CUX2: variants seen among roughly 807,000 people sequenced by gnomAD.
CUX2 encodes cut like homeobox 2.
Under a neutral mutation model 144.8 loss-of-function variants are expected in CUX2, and 40 were observed. That is an observed-to-expected ratio of 0.28 (90% CI 0.21 to 0.36). The LOEUF is 0.36. Among genes scored for constraint, CUX2 ranks in the 10% least tolerant of loss-of-function variants. The pLI, the probability that CUX2 is intolerant of heterozygous loss-of-function variation, is 1.00. For missense variants in CUX2, 1,615 were observed against 1,994.0 expected (o/e 0.81, Z 3.62); for synonymous variants, 827 against 875.6 (o/e 0.94, Z 0.98).
At chr12:111,321,433 T>C (rs7136685) in intron 17 of CUX2, among the ~76,000 whole-genome samples, 62,979 of 151,506 alleles carry the variant, frequency 0.42, 18,422 homozygotes, top group East Asian at 0.94. Flanking sequence ...CTCGCTACTG[T>C]GCTCCAGCCT....
chr12:111,253,375 G>A (rs1035031652), intron 3 of CUX2, among the ~76,000 whole-genome samples: 3 of 149,692 alleles, frequency 2.0e-5, no homozygotes, highest in African/African-American at 7.4e-5. Context: ...CCTCTCTGCT[G>A]GCATTCAAAC....
chr12:111,347,796 C>G lies in CUX2; in HGVS notation c.3932C>G (p.Ala1311Gly), dbSNP rs766010946. 2.5e-6 allele frequency: 4 copies of G among 1,613,800 alleles called. No homozygotes were observed. In the African/African-American group the frequency reaches 5.3e-5, roughly 22 times the overall value. Residue 1311 changes from alanine (A) to glycine (G), a missense_variant, in exon 22 of 22, where the codon GCA becomes GGA. This residue lies in a region of CUX2 where 298 missense variants were observed against 330.4 expected (regional missense o/e 0.90). Coordinates refer to ENST00000261726, the MANE Select transcript of CUX2 (RefSeq NM_015267.4). ...EQMEEDAEEEAGSQPQDSGEL... is the reference protein window; with the variant it reads ...EQMEEDAEEEGGSQPQDSGEL... ...ATGGAGGAGGATGCTGAGGAAGAGG[C>G]AGGCAGCCAGCCCCAGGACTCAGGG...
chr12:111,089,428 T>TA (rs1872431299), intron 1 of CUX2, among the ~76,000 whole-genome samples: 1 of 152,184 alleles, frequency 6.6e-6, no homozygotes, highest in African/African-American at 2.4e-5. Flanking sequence ...AGCCTGTAAT[T>TA]TGGAACCCTG....
rs1387609750 is a variant in CUX2 at position 111,217,911 on chromosome 12, C to T, written c.196C>T (p.Pro66Ser). 1 of 1,614,024 alleles carries T rather than the reference C, an allele frequency of 6.2e-7. No individual in the cohort carries two copies. The highest frequency in any genetic ancestry group is 1.3e-5 in the African/African-American group (1 of 75,024). Residue 66 changes from proline (P) to serine (S), a missense_variant, in exon 3 of 22, where the codon CCT becomes TCT. Pro to Ser is a moderately conservative substitution (Grantham distance 74). Coordinates refer to ENST00000261726, the MANE Select transcript of CUX2 (RefSeq NM_015267.4). Reference sequence around the variant, plus strand: ...TCAGGAAATCAGAGAGATGGTGGCTCCTGTATTAAAAAGCTTCCAAGCCGA... The same window carrying T: ...TCAGGAAATCAGAGAGATGGTGGCTTCTGTATTAAAAAGCTTCCAAGCCGA... Reference protein sequence around the residue: ...VPEEIREMVAPVLKSFQAEVV... With the variant: ...VPEEIREMVASVLKSFQAEVV...
intron 16 of CUX2, among the ~76,000 whole-genome samples, chr12:111,315,593 C>T (rs929334075): frequency 6.6e-6 from 1 of 152,154 alleles, no homozygotes; most frequent in Non-Finnish European, 1.5e-5. Flanking sequence ...GTAGTAGGAA[C>T]CTGTAATCCC....
At chr12:111,205,844 G>T (rs1592838259) in intron 1 of CUX2, among the ~76,000 whole-genome samples, 1 of 152,308 alleles carries the variant, frequency 6.6e-6, no homozygotes, top group African/African-American at 2.4e-5. Flanking sequence ...GCTCTTTAGG[G>T]GTCTCTGGCC....
intron 1 of CUX2, among the ~76,000 whole-genome samples, chr12:111,211,886 CAAA>C (rs1169597609): frequency 3.5e-5 from 3 of 84,624 alleles, no homozygotes; most frequent in Non-Finnish European, 5.2e-5. Flanking sequence ...GACTCCGTCT[CAAA>C]AAAAAAAAAA....
intron 1 of CUX2, among the ~76,000 whole-genome samples, chr12:111,193,787 G>A (rs531976353): frequency 2.6e-5 from 4 of 152,048 alleles, no homozygotes; most frequent in Non-Finnish European, 4.4e-5. Flanking sequence ...TGTCAAGGTC[G>A]GGGGAAGCCG....
At chr12:111,153,836 C>T (rs1877213400) in intron 1 of CUX2, among the ~76,000 whole-genome samples, 1 of 152,164 alleles carries the variant, frequency 6.6e-6, no homozygotes, top group Non-Finnish European at 1.5e-5. Flanking sequence ...GCTTACACAA[C>T]AAGGATTTGT....
chr12:111,244,787 CT>C (rs1343891390), intron 3 of CUX2, among the ~76,000 whole-genome samples: 1 of 152,120 alleles, frequency 6.6e-6, no homozygotes, highest in Non-Finnish European at 1.5e-5. Flanking sequence ...GCATAAACTC[CT>C]CTCCCCCAGG....
intron 1 of CUX2, among the ~76,000 whole-genome samples, chr12:111,051,165 A>G (rs138700300): frequency 1.3e-3 from 198 of 152,308 alleles, no homozygotes; most frequent in African/African-American, 4.5e-3. Context: ...ACCATTTCCA[A>G]TGGCCCTCCA....
chr12:111,107,613 C>A (rs1873690619), intron 1 of CUX2, among the ~76,000 whole-genome samples: 1 of 152,148 alleles, frequency 6.6e-6, no homozygotes, highest in Non-Finnish European at 1.5e-5. Flanking sequence ...GAATGCCCGT[C>A]CTCTAGGTGA....
Position 111,259,812 on chromosome 12 carries a change from G to A in CUX2, c.223-3949G>A, listed in dbSNP as rs7313519. Reference sequence around the variant, plus strand: ...CTGTCTCAAAAAAAAAAAAAAAAAAGAAATTAAGAAGTGGGTGAATTTAAT... The same window carrying A: ...CTGTCTCAAAAAAAAAAAAAAAAAAAAAATTAAGAAGTGGGTGAATTTAAT... On this transcript the variant is annotated intron_variant, in intron 3 of 21. Coordinates refer to ENST00000261726, the MANE Select transcript of CUX2 (RefSeq NM_015267.4). Among the ~76,000 whole-genome samples, 795 of 140,956 alleles carry A rather than the reference G, an allele frequency of 5.6e-3. 7 individuals carry two copies. The highest frequency in any genetic ancestry group is 0.021 in the African/African-American group (752 of 36,214). The allele number at this position is 140,956 out of a possible 152,430, so 92.5% of individuals were successfully genotyped here.
rs1888949688 is a variant in CUX2 at position 111,349,224 on chromosome 12, T to C, written c.*899T>C. ...TCCAGATCCTTTGGAAAGGTGGGCATGGGGCAGGTGCTTGGAGAGTGGCGT... is the reference window on the plus strand; with the variant it reads ...TCCAGATCCTTTGGAAAGGTGGGCACGGGGCAGGTGCTTGGAGAGTGGCGT... On this transcript the variant is annotated 3_prime_UTR_variant, in exon 22 of 22. Coordinates refer to ENST00000261726, the MANE Select transcript of CUX2 (RefSeq NM_015267.4). The C allele has an allele frequency of 6.6e-6, 1 of 152,228 alleles. No homozygotes were observed. Among genetic ancestry groups the C allele is most frequent in the Non-Finnish European group, 1.5e-5 (1 of 68,068 alleles). 9.4% of individuals were successfully genotyped at this position (152,228 alleles called of 1,614,324 possible). A position where few individuals can be genotyped will look rare whatever the true frequency, so the allele number is the denominator to read the frequency against.
chr12:111,128,957 T>A (rs1299309446), intron 1 of CUX2, among the ~76,000 whole-genome samples: 1 of 152,202 alleles, frequency 6.6e-6, no homozygotes, highest in Non-Finnish European at 1.5e-5. Flanking sequence ...TTCAGGTCAC[T>A]CCACACATGG....
chr12:111,110,042 A>ATTTT (rs397850906), intron 1 of CUX2, among the ~76,000 whole-genome samples: 2 of 134,238 alleles, frequency 1.5e-5, no homozygotes, highest in East Asian at 2.2e-4. Flanking sequence ...CACTCAACTA[A>ATTTT]TTTTTTTTTT....
chr12:111,132,179 G>A (rs1176928591), intron 1 of CUX2, among the ~76,000 whole-genome samples: 1 of 152,208 alleles, frequency 6.6e-6, no homozygotes, highest in Non-Finnish European at 1.5e-5. Context: ...AACACCCTGT[G>A]GAAGCTGCCA....
At chr12:111,336,264 A>C (rs7398343) in intron 19 of CUX2, among the ~76,000 whole-genome samples, 58,187 of 151,970 alleles carry the variant, frequency 0.38, 14,699 homozygotes, top group East Asian at 0.81. Context: ...ATGCCCCCCT[A>C]CCAGAGGGAT....
At chr12:111,271,878 C>G (rs978651965) in intron 4 of CUX2, among the ~76,000 whole-genome samples, 3 of 152,098 alleles carry the variant, frequency 2.0e-5, no homozygotes, top group Non-Finnish European at 2.9e-5. Flanking sequence ...TAACCTTTGT[C>G]CAGGTATACA....
Sources: gnomAD v4.1 joint callset for allele counts (sites outside exome capture counted in the v4.1 genomes callset) on GRCh38, gnomAD v4.1.1 for gene constraint, gnomAD v4.1.1 regional missense constraint, MANE v1.5 for transcripts, NCBI Gene and HGNC (gene_info 2026-07-23, HGNC 2026-07-21) for gene names.